The following SASH1 variants were observed in gnomAD, a reference collection of about 807,000 sequenced individuals.
SASH1 encodes SAM and SH3 domain-containing protein 1.
SASH1 carries 44 observed loss-of-function variants against 125.2 expected under a neutral mutation model. The observed-to-expected ratio is 0.35, with a 90% CI of 0.28 to 0.45. The LOEUF (loss-of-function observed/expected upper bound fraction) is 0.45. Among genes scored for constraint, SASH1 ranks in the 20% least tolerant of loss-of-function variants. The probability of loss-of-function intolerance (pLI) is 1.00; values close to 1 mark genes in which losing one functional copy is unlikely to be tolerated. For missense variants in SASH1, 1,426 were observed against 1,614.5 expected (o/e 0.88, Z 2.00); for synonymous variants, 639 against 649.1 (o/e 0.98, Z 0.24).
chr6:148,444,716 G>A (rs935493439), intron 4 of SASH1, among the ~76,000 whole-genome samples: 1 of 152,150 alleles, frequency 6.6e-6, no homozygotes, highest in African/African-American at 2.4e-5. Context: ...CTGGAAGGGG[G>A]TCCTGATCTA....
chr6:148,258,267 A>G, the SASH1 span, among the ~76,000 whole-genome samples: 1 of 152,144 alleles, frequency 6.6e-6, no homozygotes, highest in Non-Finnish European at 1.5e-5. Flanking sequence ...AGATTGAGCC[A>G]TTTTCAAAAC....
intron 4 of SASH1, among the ~76,000 whole-genome samples, chr6:148,463,677 C>G (rs1031431805): frequency 6.6e-6 from 1 of 152,250 alleles, no homozygotes; most frequent in East Asian, 1.9e-4. Flanking sequence ...AAATTCTTAT[C>G]TGCAGCTCTA....
chr6:148,337,223 A>ATTTTTT (rs10659889), intron 1 of SASH1, among the ~76,000 whole-genome samples: 1 of 124,576 alleles, frequency 8.0e-6, no homozygotes, highest in African/African-American at 3.1e-5. Flanking sequence ...CATCCAGCTA[A>ATTTTTT]TTTTTTTTTT....
chr6:148,438,009 A>C (rs1368684520), intron 2 of SASH1, among the ~76,000 whole-genome samples: 1 of 152,222 alleles, frequency 6.6e-6, no homozygotes, highest in Non-Finnish European at 1.5e-5. Context: ...GACTATTATG[A>C]TTACTAGTGA....
chr6:148,446,395 A>G (rs538893502), intron 4 of SASH1, among the ~76,000 whole-genome samples: 300 of 152,110 alleles, frequency 2.0e-3, no homozygotes, highest in Non-Finnish European at 3.7e-3. Context: ...GGCGTGAGCC[A>G]CCGTGCCTGG....
the SASH1 span, among the ~76,000 whole-genome samples, chr6:148,260,921 C>T: frequency 7.3e-4 from 111 of 151,030 alleles, no homozygotes; most frequent in African/African-American, 2.7e-3. Flanking sequence ...TCTCCTGCCT[C>T]AGCCTCCCGA....
chr6:148,262,599 G>A, the SASH1 span, among the ~76,000 whole-genome samples: 1 of 152,122 alleles, frequency 6.6e-6, no homozygotes, highest in Non-Finnish European at 1.5e-5. Flanking sequence ...AAAGTTCAAT[G>A]AAGGCCGGGC....
intron 1 of SASH1, among the ~76,000 whole-genome samples, chr6:148,324,262 C>T (rs1378961842): frequency 6.6e-6 from 1 of 151,980 alleles, no homozygotes; most frequent in African/African-American, 2.4e-5. Flanking sequence ...GTAGTCAGGA[C>T]ACATCTCTGG....
the SASH1 span, among the ~76,000 whole-genome samples, chr6:148,254,122 G>A: frequency 7.2e-5 from 11 of 151,776 alleles, no homozygotes; most frequent in African/African-American, 1.7e-4. Context: ...CACAAGAATC[G>A]CTTGAACCTG....
chr6:148,382,277 C>T (rs946548346), intron 1 of SASH1, among the ~76,000 whole-genome samples: 2 of 152,122 alleles, frequency 1.3e-5, no homozygotes, highest in African/African-American at 4.8e-5. Flanking sequence ...CTTCTGTGTC[C>T]TCGGCCATGT....
intron 12 of SASH1, 109 bp from the exon 13 acceptor site, chr6:148,531,417 A>T: frequency 2.2e-6 from 2 of 904,404 alleles, no homozygotes; most frequent in Non-Finnish European, 1.5e-6. Flanking sequence ...AATCAAATAT[A>T]GGTATAGATT....
chr6:148,449,078 C>CTTTTTCTTTTTTTTTTTCTTTTTTTTTT lies in SASH1; in HGVS notation c.386+8676_386+8677insCTTTTTTTTTTTCTTTTTTTTTTTTTTT. On this transcript the variant is annotated intron_variant, in intron 4 of 19. Transcript: ENST00000367467. ...GAGACTGGCTAATTTCATTTCATTT[C>CTTTTTCTTTTTTTTTTTCTTTTTTTTTT]TTTTTTTTTTTTTTTGGAGACAGAG... is the stretch of plus-strand genomic sequence containing the variant. Among the ~76,000 whole-genome samples the CTTTTTCTTTTTTTTTTTCTTTTTTTTTT allele has an allele frequency of 2.7e-3, 243 of 88,646 alleles. 22 individuals carry two copies. Among genetic ancestry groups the CTTTTTCTTTTTTTTTTTCTTTTTTTTTT allele is most frequent in the Non-Finnish European group, 3.7e-3 (162 of 43,386 alleles). The allele number at this position is 88,646 out of a possible 152,430, so 58.2% of individuals were successfully genotyped here. A position where few individuals can be genotyped will look rare whatever the true frequency, so the allele number is the denominator to read the frequency against.
chr6:148,544,923 A>G lies in SASH1; in HGVS notation c.3348+105A>G. On this transcript the variant is annotated intron_variant, in intron 18 of 19. Transcript: ENST00000367467. This position sits in a 1 kb window ranked among gnomAD's most constrained non-coding sequence, Gnocchi z 6.4. The stretch of plus-strand genomic sequence containing the variant: ...CTGAAGCCAGCCCGGTAGCCCGCCC[A>G]GTGGACAGGAGACACCTGAATCCAC... 9.2e-7 allele frequency: 1 copy of G among 1,085,828 alleles called. No homozygotes were observed. The highest frequency in any genetic ancestry group is 1.3e-6 in the Non-Finnish European group (1 of 773,564). 67.3% of individuals were successfully genotyped at this position (1,085,828 alleles called of 1,614,324 possible). A position where few individuals can be genotyped will look rare whatever the true frequency, so the allele number is the denominator to read the frequency against.
At chr6:148,451,065 G>T (rs17078373) in intron 4 of SASH1, among the ~76,000 whole-genome samples, 6,812 of 152,262 alleles carry the variant, frequency 0.045, 517 homozygotes, top group African/African-American at 0.15. Flanking sequence ...TGAGCCACTT[G>T]TATACTTCCC....
At chr6:148,334,493 G>C (rs1781092109) in intron 1 of SASH1, among the ~76,000 whole-genome samples, 1 of 149,820 alleles carries the variant, frequency 6.7e-6, no homozygotes, top group Non-Finnish European at 1.5e-5. Flanking sequence ...TGGAGGTGAA[G>C]GGAAGTGGAT....
chr6:148,378,175 C>T (rs765413714), intron 1 of SASH1, among the ~76,000 whole-genome samples: 3 of 151,746 alleles, frequency 2.0e-5, no homozygotes, highest in Admixed American at 6.6e-5. Flanking sequence ...CCTCAGCCTC[C>T]GGAGTAGCTG....
At chr6:148,302,772 G>GTGTA (rs1554231678) in intron 1 of SASH1, among the ~76,000 whole-genome samples, 2 of 146,414 alleles carry the variant, frequency 1.4e-5, no homozygotes, top group East Asian at 4.1e-4. Context: ...CTGTGTGTGT[G>GTGTA]TATATATATA....
chr6:148,437,481 G>A (rs73013145), intron 2 of SASH1, among the ~76,000 whole-genome samples: 29,980 of 152,092 alleles, frequency 0.2, 3,292 homozygotes, highest in African/African-American at 0.29. Context: ...TAAAACAAAC[G>A]TCCTGCATGA....
the SASH1 span, among the ~76,000 whole-genome samples, chr6:148,218,357 T>C: frequency 6.6e-6 from 1 of 152,138 alleles, no homozygotes; most frequent in Admixed American, 6.5e-5. Context: ...CCCAAAAACA[T>C]AACCTAACAT....
Sources: gnomAD v4.1 joint callset for allele counts (sites outside exome capture counted in the v4.1 genomes callset) on GRCh38, gnomAD v4.1.1 for gene constraint, Gnocchi (gnomAD v3.1) non-coding constraint, MANE v1.5 for transcripts, NCBI Gene and HGNC (gene_info 2026-07-23, HGNC 2026-07-21) for gene names.